Variants in ATP11C observed in about 807,000 individuals in gnomAD.
ATP11C encodes ATPase phospholipid transporting 11C (ATP11C blood group), also known as phospholipid-transporting ATPase IG.
ATP11C carries 36 observed loss-of-function variants against 97.4 expected under a neutral mutation model. The observed-to-expected ratio is 0.37, with a 90% CI of 0.28 to 0.49. The LOEUF (loss-of-function observed/expected upper bound fraction) is 0.49. Among genes scored for constraint, ATP11C ranks in the 20% least tolerant of loss-of-function variants. ATP11C has a pLI of 0.98. For synonymous variants in ATP11C, 275 were observed against 290.9 expected (o/e 0.95, Z 0.56); for missense variants, 730 against 824.6 (o/e 0.89, Z 1.40).
chrX:139,867,678 G>A (rs1359106888), intron 1 of ATP11C, among the ~76,000 whole-genome samples: 1 of 111,984 alleles, frequency 8.9e-6, no homozygotes, highest in Non-Finnish European at 1.9e-5. Context: ...GATGAGTAGG[G>A]GTTAAACAGG....
intron 26 of ATP11C, among the ~76,000 whole-genome samples, chrX:139,743,235 C>A (rs181368373): frequency 9.1e-6 from 1 of 109,659 alleles, no homozygotes; most frequent in African/African-American, 3.3e-5. Context: ...TCACCCACAG[C>A]CTGTTTATAT....
intron 1 of ATP11C, among the ~76,000 whole-genome samples, chrX:139,837,194 A>T (rs1663596518): frequency 8.9e-6 from 1 of 112,409 alleles, no homozygotes; most frequent in Non-Finnish European, 1.9e-5. Flanking sequence ...GACAAACAGT[A>T]GTTAGAAGTT....
At chrX:139,769,190 T>C (rs1292813720) in intron 19 of ATP11C, among the ~76,000 whole-genome samples, 3 of 99,537 alleles carry the variant, frequency 3.0e-5, no homozygotes, top group Non-Finnish European at 4.0e-5. Context: ...TCAAATTAAT[T>C]AGTCAAACTC....
chrX:139,750,214 T>C, intron 23 of ATP11C, 62 bp from the exon 24 acceptor site: 2 of 1,060,453 alleles, frequency 1.9e-6, no homozygotes, highest in Non-Finnish European at 2.5e-6. Flanking sequence ...TACAAGATGA[T>C]ACTTATGTAT....
chrX:139,750,828 C>T (rs189994672), intron 23 of ATP11C, among the ~76,000 whole-genome samples: 2 of 111,432 alleles, frequency 1.8e-5, no homozygotes, highest in African/African-American at 6.5e-5. Context: ...GAGGATAGAT[C>T]GGAAGCTATA....
At chrX:139,833,828 T>C (rs909026415) in intron 1 of ATP11C, among the ~76,000 whole-genome samples, 1 of 110,900 alleles carries the variant, frequency 9.0e-6, no homozygotes, top group African/African-American at 3.3e-5. Context: ...CTGGAGAAAA[T>C]GGCTTAGTTG....
chrX:139,922,069 G>T (rs1371230228), intron 1 of ATP11C, among the ~76,000 whole-genome samples: 1 of 105,333 alleles, frequency 9.5e-6, no homozygotes, highest in Non-Finnish European at 1.9e-5. Context: ...GCCAGGTGTG[G>T]TGGCACACGC....
In ATP11C at chrX:139,731,692, G is replaced by C; in HGVS notation, c.3352C>G (p.Leu1118Val). 1 of 1,195,567 alleles carries C rather than the reference G, an allele frequency of 8.4e-7. No individual in the cohort carries two copies. The highest frequency in any genetic ancestry group is 3.0e-5 in the East Asian group (1 of 33,387). Residue 1118 changes from leucine (L) to valine (V), a missense_variant, in exon 29 of 30, where the codon CTT becomes GTT. Leu to Val is a conservative substitution (Grantham distance 32, BLOSUM62 1). Coordinates refer to ENST00000682941, the MANE Select transcript of ATP11C (RefSeq NM_001353812.2). ...LSARPSVRPL[L>V]LRTFSDESNV... ...GATTCGTCTGAGAATGTTCGTAAAA[G>C]AAGAGGTCTGACTGAAGGTCTGGCG...
intron 1 of ATP11C, among the ~76,000 whole-genome samples, chrX:139,852,680 C>T (rs2084017638): frequency 9.1e-6 from 1 of 109,783 alleles, no homozygotes; most frequent in Admixed American, 9.7e-5. Flanking sequence ...AGTCCTACTG[C>T]AGGATGGAGT....
chrX:139,880,248 T>G (rs2084540698), intron 1 of ATP11C, among the ~76,000 whole-genome samples: 1 of 110,549 alleles, frequency 9.0e-6, no homozygotes, highest in East Asian at 2.8e-4. Flanking sequence ...ATCTTGAGAG[T>G]AGGCTGCCAC....
At chrX:139,936,237 T>C (rs1212622205), upstream of ATP11C, among the ~76,000 whole-genome samples, 2 of 111,847 alleles carry the variant, frequency 1.8e-5, no homozygotes, top group Non-Finnish European at 3.8e-5. Flanking sequence ...AAATTAGAGC[T>C]ACTCTCACAC....
At chrX:139,764,090 G>A (rs1194525663) in intron 20 of ATP11C, among the ~76,000 whole-genome samples, 4 of 111,996 alleles carry the variant, frequency 3.6e-5, no homozygotes, top group African/African-American at 1.3e-4. Context: ...AGAGAACAAT[G>A]TTTTTGGTTA....
intron 1 of ATP11C, among the ~76,000 whole-genome samples, chrX:139,854,451 T>C (rs1295161378): frequency 1.8e-5 from 2 of 111,257 alleles, no homozygotes; most frequent in Non-Finnish European, 3.8e-5. Context: ...TTATCACCTT[T>C]AGGAAAAAAA....
chrX:139,886,869 T>C (rs1395893828), intron 1 of ATP11C, among the ~76,000 whole-genome samples: 1 of 109,173 alleles, frequency 9.2e-6, no homozygotes, highest in South Asian at 3.8e-4. Flanking sequence ...CAAAATTATA[T>C]GGAAAAAATA....
At chrX:139,919,117 CCTGT>C (rs1484110939) in intron 1 of ATP11C, among the ~76,000 whole-genome samples, 6 of 110,380 alleles carry the variant, frequency 5.4e-5, no homozygotes, top group Non-Finnish European at 1.1e-4. Context: ...GTGGCGTGTG[CCTGT>C]AATTCCAGCT....
intron 1 of ATP11C, among the ~76,000 whole-genome samples, chrX:139,839,981 A>C (rs932148826): frequency 9.0e-6 from 1 of 111,288 alleles, no homozygotes. Context: ...TCAGATCTCA[A>C]CAACCATAAT....
intron 28 of ATP11C, among the ~76,000 whole-genome samples, chrX:139,733,111 C>A (rs1281240859): frequency 2.7e-5 from 3 of 111,895 alleles, no homozygotes; most frequent in Non-Finnish European, 5.7e-5. Context: ...TTTCTTACAA[C>A]CTAATTTGAT....
intron 24 of ATP11C, among the ~76,000 whole-genome samples, chrX:139,747,417 G>A (rs2081712295): frequency 9.0e-6 from 1 of 111,202 alleles, no homozygotes; most frequent in Admixed American, 9.6e-5. Context: ...AACTCAGAAT[G>A]GGGCAATCAA....
At chrX:139,891,742 C>T (rs1026694152) in intron 1 of ATP11C, among the ~76,000 whole-genome samples, 3 of 112,189 alleles carry the variant, frequency 2.7e-5, no homozygotes, top group Admixed American at 1.9e-4. Flanking sequence ...CTGCAAAATG[C>T]GATTGATGGG....
Sources: allele counts gnomAD v4.1 joint callset (sites outside exome capture counted in the v4.1 genomes callset), GRCh38; gene constraint gnomAD v4.1.1; transcripts MANE v1.5; gene names NCBI Gene and HGNC (gene_info 2026-07-23, HGNC 2026-07-21).